KDM6A: variants seen among roughly 807,000 people sequenced by gnomAD.
KDM6A encodes lysine-specific demethylase 6A.
In KDM6A, 11 loss-of-function variants were observed where a neutral mutation model predicts 117.6. That is an observed-to-expected ratio of 0.09 (90% confidence interval 0.06 to 0.15). The LOEUF (loss-of-function observed/expected upper bound fraction) is 0.15, where lower values mean the gene tolerates loss of function less well. Among genes scored for constraint, KDM6A ranks in the 10% least tolerant of loss-of-function variants. The pLI is 1.00. For missense variants in KDM6A, 799 were observed against 1,077.3 expected, an observed-to-expected ratio of 0.74 and a Z score of 3.62; for synonymous variants, 384 against 396.1, an observed-to-expected ratio of 0.97 and a Z score of 0.36.
chrX:45,055,444 T>G (rs985538683), intron 10 of KDM6A, among the ~76,000 whole-genome samples: 4 of 111,608 alleles, frequency 3.6e-5, no homozygotes, highest in Non-Finnish European at 5.7e-5. Flanking sequence ...TGAAAAGGTA[T>G]CTAATTTTTG....
chrX:45,106,677 G>T, intron 27 of KDM6A: 1 of 336,711 alleles, frequency 3.0e-6, no homozygotes. Flanking sequence ...ACAACTCCAA[G>T]TAATGACAGA....
chrX:45,057,979 ATTTG>A (rs1488962569), intron 10 of KDM6A, among the ~76,000 whole-genome samples: 1 of 109,725 alleles, frequency 9.1e-6, no homozygotes, highest in Non-Finnish European at 1.9e-5. Flanking sequence ...TGTCTTTCCA[ATTTG>A]TTTGCTTGGC....
At chrX:45,062,618 A>C (rs1179797519) in intron 15 of KDM6A, 29 bp from the exon 16 acceptor site, 1 of 1,024,938 alleles carries the variant, frequency 9.8e-7, no homozygotes, top group Admixed American at 2.2e-5. Context: ...TATATCTTTG[A>C]CTATATTCTC....
chrX:45,087,940 G>T (rs758703328), intron 25 of KDM6A, among the ~76,000 whole-genome samples: 1 of 111,577 alleles, frequency 9.0e-6, no homozygotes, highest in Non-Finnish European at 1.9e-5. Context: ...GATAGTGACT[G>T]TATACTGTAT....
intron 2 of KDM6A, among the ~76,000 whole-genome samples, chrX:44,936,958 C>T (rs1210542947): frequency 9.0e-6 from 1 of 111,117 alleles, no homozygotes; most frequent in Admixed American, 9.7e-5. Context: ...GTAAAGGATG[C>T]CAAGGTCAAA....
At chrX:44,932,298 G>A (rs1339564312) in intron 2 of KDM6A, among the ~76,000 whole-genome samples, 2 of 106,869 alleles carry the variant, frequency 1.9e-5, no homozygotes, top group Non-Finnish European at 3.9e-5. Flanking sequence ...GTGGGGTGGG[G>A]GGTGGTCTCA....
At chrX:45,002,492 A>T (rs2041190524) in intron 4 of KDM6A, among the ~76,000 whole-genome samples, 2 of 112,271 alleles carry the variant, frequency 1.8e-5, no homozygotes, top group South Asian at 7.2e-4. Context: ...ACATTTTAAA[A>T]ATTGCTCAAA....
chrX:45,066,754 A>C (rs914405507), intron 17 of KDM6A, among the ~76,000 whole-genome samples: 20 of 111,755 alleles, frequency 1.8e-4, no homozygotes, highest in African/African-American at 5.2e-4. Context: ...CTGTTTTGGA[A>C]ATGTGGGATT....
At chrX:44,893,794 G>T in intron 2 of KDM6A, among the ~76,000 whole-genome samples, 1 of 111,264 alleles carries the variant, frequency 9.0e-6, no homozygotes, top group East Asian at 2.8e-4. Context: ...TATTTATTCA[G>T]TTGAGGAAGT....
At chrX:44,879,015 C>T (rs932270569) in intron 2 of KDM6A, among the ~76,000 whole-genome samples, 3 of 111,570 alleles carry the variant, frequency 2.7e-5, no homozygotes, top group Non-Finnish European at 5.6e-5. Flanking sequence ...AGCCGCCGCA[C>T]CTGGCCAATA....
intron 8 of KDM6A, among the ~76,000 whole-genome samples, chrX:45,041,309 C>T (rs1169964980): frequency 8.8e-5 from 8 of 90,790 alleles, no homozygotes; most frequent in African/African-American, 3.4e-4. Flanking sequence ...GGGCTGACCC[C>T]CCCACCTCCC....
At chrX:44,999,022 CTGTA>C (rs1421431773) in intron 4 of KDM6A, among the ~76,000 whole-genome samples, 2 of 111,748 alleles carry the variant, frequency 1.8e-5, no homozygotes, top group Non-Finnish European at 3.8e-5. Context: ...GAGTCAAACT[CTGTA>C]AAACATTTTA....
At chrX:45,035,503 T>C (rs1280790824) in intron 7 of KDM6A, among the ~76,000 whole-genome samples, 2 of 111,195 alleles carry the variant, frequency 1.8e-5, no homozygotes, top group Non-Finnish European at 3.8e-5. Context: ...AAAGTATTTT[T>C]TTCCAAACAA....
intron 4 of KDM6A, among the ~76,000 whole-genome samples, chrX:44,988,071 A>T (rs775791641): frequency 1.0e-3 from 116 of 111,497 alleles, no homozygotes; most frequent in African/African-American, 3.6e-3. Flanking sequence ...TGGTCTTTTC[A>T]CGTAGTCCCG....
At chrX:45,036,062 A>G (rs1159729435) in intron 7 of KDM6A, among the ~76,000 whole-genome samples, 1 of 111,888 alleles carries the variant, frequency 8.9e-6, no homozygotes, top group African/African-American at 3.2e-5. Flanking sequence ...TCAGTCATAC[A>G]AAGGATTCCG....
chrX:44,948,830 A>C (rs1187318971), intron 2 of KDM6A, among the ~76,000 whole-genome samples: 1 of 111,940 alleles, frequency 8.9e-6, no homozygotes, highest in Non-Finnish European at 1.9e-5. Flanking sequence ...AGTAATGAAA[A>C]AACTTGAAAC....
rs2148290452 is a variant in KDM6A at position 45,107,555 on chromosome X, C to T, written c.4161+19C>T. ...TTGTGAAGTAAGTAATTGTTTTTAT[C>T]CACAGTTGTTTTATAAAGCCTCTTC... On this transcript the variant is annotated intron_variant, in intron 28 of 29. Transcript: ENST00000611820. 8.4e-7 allele frequency: 1 copy of T among 1,195,488 alleles called. No individual in the cohort carries two copies. The highest frequency in any genetic ancestry group is 1.1e-6 in the Non-Finnish European group (1 of 890,150).
At chrX:45,085,283 A>G (rs951970776) in intron 24 of KDM6A, among the ~76,000 whole-genome samples, 6 of 111,921 alleles carry the variant, frequency 5.4e-5, no homozygotes, top group Admixed American at 2.8e-4. Context: ...CTTACTGTGT[A>G]CAGATGGTCC....
rs1320571426 is a variant in KDM6A at position 45,072,036 on chromosome X, A to G, written c.2858+1679A>G. On this transcript the variant is annotated intron_variant, in intron 18 of 29. Transcript: ENST00000611820. Reference sequence around the variant, plus strand: ...GTGTTCCACCTGCCTCTGCCTCCCAAAGTGCTGGGATTACAGGCGTGAGCC... The same window carrying G: ...GTGTTCCACCTGCCTCTGCCTCCCAGAGTGCTGGGATTACAGGCGTGAGCC... 5.4e-5 allele frequency among the ~76,000 whole-genome samples: 6 copies of G among 111,486 alleles called. 1 individual carries two copies. In the East Asian group the frequency reaches 1.7e-3, roughly 31 times the overall value.
Sources: allele counts gnomAD v4.1 joint callset (sites outside exome capture counted in the v4.1 genomes callset), GRCh38; gene constraint gnomAD v4.1.1; transcripts MANE v1.5; gene names NCBI Gene and HGNC (gene_info 2026-07-23, HGNC 2026-07-21).